Variants in MRPS16 observed in about 807,000 individuals in gnomAD.
The protein encoded by MRPS16 is mitochondrial ribosomal protein S16, also known as small ribosomal subunit protein bS16m.
A neutral mutation model predicts 11.0 loss-of-function variants in MRPS16; 5 were observed. The observed-to-expected ratio is 0.46, with a 90% CI of 0.24 to 0.96. The LOEUF (loss-of-function observed/expected upper bound fraction) is 0.96. Ranked by LOEUF, MRPS16 falls within the 40% of genes least tolerant of loss-of-function variation. The pLI is 0.20. For missense variants in MRPS16, 179 were observed against 174.4 expected (o/e 1.03, Z -0.15); for synonymous variants, 76 against 65.0 (o/e 1.17, Z -0.81).
At position 73,250,974 on chromosome 10, in the gene MRPS16, G is replaced by A. The variant is rs774793920; in HGVS notation, c.292C>T (p.Pro98Ser). ...EKLLGLAGFF[P>S]LHPMMITNAE... ...TTTGTGATCATCATAGGATGCAGAG[G>A]GAAAAAGCCAGCAAGACCTAAAAGT... The change falls in exon 3 of 3, where the codon CCT becomes TCT. Residue 98 changes from proline (P) to serine (S), a missense_variant. Pro to Ser is a moderately conservative substitution (Grantham distance 74). Coordinates refer to ENST00000372945, the MANE Select transcript of MRPS16 (RefSeq NM_016065.4). The A allele has an allele frequency of 1.2e-6, 2 of 1,613,966 alleles. No individual in the cohort carries two copies. The highest frequency in any genetic ancestry group is 1.6e-4 in the Middle Eastern group (1 of 6,084).
chr10:73,251,622 C>A, intron 2 of MRPS16, 141 bp downstream of exon 2: 2 of 1,183,862 alleles, frequency 1.7e-6, no homozygotes, highest in Non-Finnish European at 2.5e-6. Context: ...CTCAGGTGAT[C>A]CGCCCGCCTC....
intron 1 of MRPS16, 47 bp downstream of exon 1, chr10:73,252,423 G>T: frequency 6.2e-7 from 1 of 1,608,270 alleles, no homozygotes. Context: ...CCGAACTCCC[G>T]AGCCCCGTGA....
In MRPS16 at chr10:73,251,869, T is replaced by C. The variant is rs2044108616; in HGVS notation, c.168A>G (p.Pro56=). 1 of 1,614,088 alleles carries C rather than the reference T, an allele frequency of 6.2e-7. No homozygotes were observed. Among genetic ancestry groups the C allele is most frequent in the South Asian group, 1.1e-5 (1 of 91,082 alleles). The change falls in exon 2 of 3, where the codon CCA becomes CCG. Residue 56 remains proline, a synonymous_variant. Coordinates refer to ENST00000372945, the MANE Select transcript of MRPS16 (RefSeq NM_016065.4). The part of the protein sequence containing the change: ...RFVEQLGSYD[P]LPNSHGEKLV... ...GTTTTTCTCCATGACTGTTGGGCAA[T>C]GGATCATAGGAGCCCAGCTGCTCTA...
In MRPS16 at chr10:73,252,491, C is replaced by T; in HGVS notation, c.-9G>A. ...TCACTGAGGTGGACCATGGTGCCGCCGGCGTGCGGCTCCTCGGAGAGCCCC... is the reference window on the plus strand; with the variant it reads ...TCACTGAGGTGGACCATGGTGCCGCTGGCGTGCGGCTCCTCGGAGAGCCCC... On this transcript the variant is annotated 5_prime_UTR_variant, in exon 1 of 3. Coordinates refer to ENST00000372945, the MANE Select transcript of MRPS16 (RefSeq NM_016065.4). 1 of 1,607,856 alleles carries T rather than the reference C, an allele frequency of 6.2e-7. No individual in the cohort carries two copies.
Position 73,250,944 on chromosome 10 carries a change from C to G in MRPS16, c.322G>C (p.Glu108Gln), listed in dbSNP as rs2044081895. Residue 108 changes from glutamate (E) to glutamine (Q), a missense_variant, in exon 3 of 3, where the codon GAG becomes CAG. Coordinates refer to ENST00000372945, the MANE Select transcript of MRPS16 (RefSeq NM_016065.4). ...CGTGCCCGTTTCCTTCGCAGTCTCT[C>G]AGCATTTGTGATCATCATAGGATGC... ...PLHPMMITNA[E>Q]RLRRKRAREV... 1 of 1,614,222 alleles carries G rather than the reference C, an allele frequency of 6.2e-7. No homozygotes were observed.
chr10:73,250,813 A>T lies in MRPS16; in HGVS notation c.*39T>A, dbSNP rs1165332331. 18 of 1,610,560 alleles carry T rather than the reference A, an allele frequency of 1.1e-5. No individual in the cohort carries two copies. The highest frequency in any genetic ancestry group is 1.5e-5 in the Non-Finnish European group (18 of 1,179,272). On this transcript the variant is annotated 3_prime_UTR_variant, in exon 3 of 3. Coordinates refer to ENST00000372945, the MANE Select transcript of MRPS16 (RefSeq NM_016065.4). The stretch of plus-strand genomic sequence containing the variant: ...GCTGCAGTGTTTCAAAAGGACCTTG[A>T]CCTTGTTCCCACTGCTATGCTCACT...
At chr10:73,252,212 AC>A (rs1261452853) in intron 1 of MRPS16, 189 bp from the exon 2 acceptor site, 1 of 1,030,038 alleles carries the variant, frequency 9.7e-7, no homozygotes, top group African/African-American at 1.6e-5. Context: ...TCCTCCTCAT[AC>A]CCAAACCCAC....
chr10:73,251,131 A>T, intron 2 of MRPS16, 140 bp from the exon 3 acceptor site: 1 of 956,256 alleles, frequency 1.0e-6, no homozygotes, highest in Non-Finnish European at 1.6e-6. Flanking sequence ...CAAACTCTGT[A>T]CTACTTCTCC....
chr10:73,252,109 A>T, intron 1 of MRPS16, 86 bp from the exon 2 acceptor site: 1 of 1,525,904 alleles, frequency 6.6e-7, no homozygotes, highest in Non-Finnish European at 8.9e-7. Context: ...TTTCCCACTG[A>T]AATGTCTCAC....
chr10:73,252,017 A>C lies in MRPS16; in HGVS notation c.20T>G (p.Leu7Arg). MVHLTTLLCKAYRGGHL... is the reference protein window; with the variant it reads MVHLTTRLCKAYRGGHL... Reference sequence around the variant, plus strand: ...GCCCCCACGGTAGGCCTTGCAGAGGAGAGTAGCTGTAGAAAAGCAGCTGGT... The same window carrying C: ...GCCCCCACGGTAGGCCTTGCAGAGGCGAGTAGCTGTAGAAAAGCAGCTGGT... Residue 7 changes from leucine (L) to arginine (R), a missense_variant, in exon 2 of 3, where the codon CTC becomes CGC. Leu to Arg is a moderately radical substitution (Grantham distance 102). Coordinates refer to ENST00000372945, the MANE Select transcript of MRPS16 (RefSeq NM_016065.4). 6.2e-7 allele frequency: 1 copy of C among 1,613,570 alleles called. No individual in the cohort carries two copies. The highest frequency in any genetic ancestry group is 8.5e-7 in the Non-Finnish European group (1 of 1,179,700).
intron 1 of MRPS16, 52 bp from the exon 2 acceptor site, chr10:73,252,075 A>G (rs2044118677): frequency 1.3e-6 from 2 of 1,586,070 alleles, no homozygotes; most frequent in African/African-American, 1.4e-5. Context: ...AAAGGACAAA[A>G]TGACACAGAC....
rs1160780507 is a variant in MRPS16, at chr10:73,249,200, G to T, written c.*1652C>A. On this transcript the variant is annotated 3_prime_UTR_variant, in exon 3 of 3. Coordinates refer to ENST00000372945, the MANE Select transcript of MRPS16 (RefSeq NM_016065.4). Reference sequence around the variant, plus strand: ...CCCAAAGTGCTGAGATTACAGGTGTGAGCCACTGCCCCAATGGTATCTTTA... The same window carrying T: ...CCCAAAGTGCTGAGATTACAGGTGTTAGCCACTGCCCCAATGGTATCTTTA... The T allele has an allele frequency of 7.6e-6, 10 of 1,318,554 alleles. No individual in the cohort carries two copies. The highest frequency in any genetic ancestry group is 1.1e-5 in the Non-Finnish European group (10 of 941,970). The allele number at this position is 1,318,554 out of a possible 1,614,324, so 81.7% of individuals were successfully genotyped here.
In MRPS16 at chr10:73,250,769, A is replaced by G; in HGVS notation, c.*83T>C. On this transcript the variant is annotated 3_prime_UTR_variant, in exon 3 of 3. Coordinates refer to ENST00000372945, the MANE Select transcript of MRPS16 (RefSeq NM_016065.4). ...GGATACTCCATTTATTGAACTCCAA[A>G]TCTAACAAAATTAAGATCGCTGCAG... is the stretch of plus-strand genomic sequence containing the variant. 2 of 1,570,778 alleles carry G rather than the reference A, an allele frequency of 1.3e-6. No homozygotes were observed. The highest frequency in any genetic ancestry group is 4.5e-5 in the East Asian group (2 of 44,670).
At chr10:73,251,082 TGAC>T in intron 2 of MRPS16, 91 bp from the exon 3 acceptor site, 1 of 1,457,984 alleles carries the variant, frequency 6.9e-7, no homozygotes, top group Non-Finnish European at 9.6e-7. Flanking sequence ...GTCTGAGATC[TGAC>T]CCAGTGCATG....
In MRPS16 at chr10:73,252,016, G is replaced by A. The variant is rs748879108; in HGVS notation, c.21C>T (p.Leu7=). 7.4e-6 allele frequency: 12 copies of A among 1,613,422 alleles called. No homozygotes were observed. In the Admixed American group the frequency reaches 1.3e-4, roughly 18 times the overall value. ...GGCCCCCACGGTAGGCCTTGCAGAG[G>A]AGAGTAGCTGTAGAAAAGCAGCTGG... MVHLTT[L]LCKAYRGGHL... is the part of the protein sequence containing the mutation. Residue 7 remains leucine, a synonymous_variant, in exon 2 of 3, where the codon CTC becomes CTT. Transcript: ENST00000372945.
Position 73,251,796 on chromosome 10 carries a change from C to G in MRPS16, c.241G>C (p.Ala81Pro). The G allele has an allele frequency of 1.9e-6, 3 of 1,614,182 alleles. No individual in the cohort carries two copies. The highest frequency in any genetic ancestry group is 2.5e-6 in the Non-Finnish European group (3 of 1,180,038). ...DRIRHWIGCG[A>P]HLSKPMEKLL... is the part of the protein sequence containing the mutation. ...TTTTCCATAGGCTTAGAGAGGTGGG[C>G]CCCGCAGCCAATCCAATGACGGATC... The change falls in exon 2 of 3, where the codon GCC (alanine) becomes CCC (proline). Residue 81 changes from alanine to proline, a missense_variant. By Grantham distance (27) the Ala-to-Pro change is conservative. Transcript: ENST00000372945.
rs2044054252 is a variant in MRPS16, at chr10:73,249,345, A to G, written c.*1507T>C. On this transcript the variant is annotated 3_prime_UTR_variant, in exon 3 of 3. Coordinates refer to ENST00000372945, the MANE Select transcript of MRPS16 (RefSeq NM_016065.4). ...TAAGAATGGTTGTGAGTCAAATAAA[A>G]AAGTAGAACTAAAGTATACTGAAGT... 2 of 1,544,210 alleles carry G rather than the reference A, an allele frequency of 1.3e-6. No homozygotes were observed. Among genetic ancestry groups the G allele is most frequent in the Non-Finnish European group, 1.8e-6 (2 of 1,141,602 alleles).
At position 73,251,913 on chromosome 10, in the gene MRPS16, G is replaced by A. The variant is rs2044110894; in HGVS notation, c.124C>T (p.Pro42Ser). ...YRIVAAHNKC[P>S]RDGRFVEQLG... is the part of the protein sequence containing the mutation. The stretch of plus-strand genomic sequence containing the variant: ...TGCTCTACGAAACGGCCATCCCTGG[G>A]ACACTTGTTGTGAGCAGCCACAATG... The change falls in exon 2 of 3, where the codon CCC (proline) becomes TCC (serine). Residue 42 changes from proline to serine, a missense_variant. Pro to Ser is a moderately conservative substitution (Grantham distance 74). Transcript: ENST00000372945. The A allele has an allele frequency of 1.9e-6, 3 of 1,614,186 alleles. No homozygotes were observed. Among genetic ancestry groups the A allele is most frequent in the East Asian group, 2.2e-5 (1 of 44,874 alleles).
In MRPS16 at chr10:73,252,492, G is replaced by C. The variant is rs374969072; in HGVS notation, c.-10C>G. On this transcript the variant is annotated 5_prime_UTR_variant, in exon 1 of 3. Coordinates refer to ENST00000372945, the MANE Select transcript of MRPS16 (RefSeq NM_016065.4). ...CACTGAGGTGGACCATGGTGCCGCCGGCGTGCGGCTCCTCGGAGAGCCCCG... is the reference window on the plus strand; with the variant it reads ...CACTGAGGTGGACCATGGTGCCGCCCGCGTGCGGCTCCTCGGAGAGCCCCG... The C allele has an allele frequency of 1.9e-6, 3 of 1,607,756 alleles. No homozygotes were observed. The highest frequency in any genetic ancestry group is 4.5e-5 in the East Asian group (2 of 44,844).
Sources: gnomAD v4.1 joint callset for allele counts on GRCh38, gnomAD v4.1.1 for gene constraint, MANE v1.5 for transcripts, NCBI Gene and HGNC (gene_info 2026-07-23, HGNC 2026-07-21) for gene names.